The following UBE2E2 variants were observed in gnomAD, a reference collection of about 807,000 sequenced individuals.
UBE2E2 encodes the protein ubiquitin conjugating enzyme E2 E2, also known as ubiquitin-conjugating enzyme E2 E2.
Under a neutral mutation model 24.7 loss-of-function variants are expected in UBE2E2, and 6 were observed. The observed-to-expected ratio is 0.24, with a 90% CI of 0.13 to 0.48. UBE2E2 has a LOEUF of 0.48. Ranked by LOEUF, UBE2E2 falls within the 20% of genes least tolerant of loss-of-function variation. The pLI is 0.99. For synonymous variants in UBE2E2, 104 were observed against 83.6 expected, an observed-to-expected ratio of 1.24 and a Z score of -1.33; for missense variants, 169 against 245.0, an observed-to-expected ratio of 0.69 and a Z score of 2.07.
chr3:23,350,782 G>C (rs1388327541), intron 3 of UBE2E2, among the ~76,000 whole-genome samples: 3 of 152,198 alleles, frequency 2.0e-5, no homozygotes, highest in Non-Finnish European at 2.9e-5. Flanking sequence ...AAAGTGACGG[G>C]GAGAAAGGAA....
At chr3:23,549,857 A>G (rs551998306) in intron 5 of UBE2E2, among the ~76,000 whole-genome samples, 1 of 152,152 alleles carries the variant, frequency 6.6e-6, no homozygotes, top group East Asian at 1.9e-4. Flanking sequence ...ACATGGTGAA[A>G]CCCTGTGTCT....
intron 3 of UBE2E2, among the ~76,000 whole-genome samples, chr3:23,380,412 G>T (rs1331998483): frequency 6.6e-6 from 1 of 152,104 alleles, no homozygotes; most frequent in Non-Finnish European, 1.5e-5. Context: ...TTTTTGTAGA[G>T]ACTAGGTTTT....
At chr3:23,509,399 G>A (rs1259956058) in intron 4 of UBE2E2, among the ~76,000 whole-genome samples, 2 of 152,122 alleles carry the variant, frequency 1.3e-5, no homozygotes, top group Non-Finnish European at 2.9e-5. Context: ...ATGAAAAAAA[G>A]TATAATATTC....
intron 3 of UBE2E2, among the ~76,000 whole-genome samples, chr3:23,227,618 T>A (rs540274696): frequency 6.6e-6 from 1 of 152,334 alleles, no homozygotes; most frequent in Middle Eastern, 3.4e-3. Context: ...AGTTCTTGAC[T>A]CAGTTGCTAC....
chr3:23,384,717 A>G (rs1025677682), intron 3 of UBE2E2, among the ~76,000 whole-genome samples: 1 of 150,754 alleles, frequency 6.6e-6, no homozygotes, highest in African/African-American at 2.4e-5. Flanking sequence ...TAATTTTTGT[A>G]TTTTTATTAG....
At chr3:23,331,800 T>A (rs1379327112) in intron 3 of UBE2E2, among the ~76,000 whole-genome samples, 3 of 152,148 alleles carry the variant, frequency 2.0e-5, no homozygotes, top group South Asian at 2.1e-4. Flanking sequence ...TTATGTGAGA[T>A]GAGAAATCAC....
chr3:23,294,223 T>C (rs1206004699), intron 3 of UBE2E2, among the ~76,000 whole-genome samples: 1 of 152,202 alleles, frequency 6.6e-6, no homozygotes, highest in Non-Finnish European at 1.5e-5. Flanking sequence ...AACTTTAACG[T>C]TATTCATAAC....
At chr3:23,578,951 A>G (rs2125517379) in intron 5 of UBE2E2, among the ~76,000 whole-genome samples, 1 of 152,298 alleles carries the variant, frequency 6.6e-6, no homozygotes, top group East Asian at 1.9e-4. Flanking sequence ...ATTTTTAAAT[A>G]CTACTACTGG....
intron 5 of UBE2E2, among the ~76,000 whole-genome samples, chr3:23,562,127 G>A (rs1219075573): frequency 6.6e-6 from 1 of 152,058 alleles, no homozygotes; most frequent in African/African-American, 2.4e-5. Flanking sequence ...TGGTGGGAGA[G>A]GGCATCCCTG....
chr3:23,556,454 TAAAA>T (rs5847239), intron 5 of UBE2E2, among the ~76,000 whole-genome samples: 2 of 94,336 alleles, frequency 2.1e-5, no homozygotes, highest in Non-Finnish European at 4.2e-5. Context: ...AAAATTTATT[TAAAA>T]AAAAAAAAAA....
At chr3:23,289,444 T>C (rs58844120) in intron 3 of UBE2E2, among the ~76,000 whole-genome samples, 4,468 of 152,286 alleles carry the variant, frequency 0.029, 124 homozygotes, top group East Asian at 0.14. Context: ...TACCTTATAA[T>C]GTAAAGAGAA....
intron 3 of UBE2E2, among the ~76,000 whole-genome samples, chr3:23,301,658 A>C (rs1699095441): frequency 6.6e-6 from 1 of 152,126 alleles, no homozygotes; most frequent in Non-Finnish European, 1.5e-5. Flanking sequence ...GTCTCAGAGG[A>C]GTACCCGGCC....
chr3:23,446,699 GTTTTTTTTTT>G (rs57327621), intron 3 of UBE2E2, among the ~76,000 whole-genome samples: 1 of 112,230 alleles, frequency 8.9e-6, no homozygotes, highest in African/African-American at 3.7e-5. Context: ...CGTCTGTTTG[GTTTTTTTTTT>G]TTTTTTTTTT....
chr3:23,579,545 TAA>T, intron 5 of UBE2E2, among the ~76,000 whole-genome samples: 1 of 148,520 alleles, frequency 6.7e-6, no homozygotes, highest in South Asian at 2.1e-4. Flanking sequence ...CAACAAAAAT[TAA>T]AAGTTAGCCA....
intron 3 of UBE2E2, among the ~76,000 whole-genome samples, chr3:23,272,980 A>T (rs1423972262): frequency 2.0e-5 from 3 of 152,124 alleles, no homozygotes; most frequent in Non-Finnish European, 4.4e-5. Context: ...TCTTCAGGCC[A>T]TCAACTGATT....
At position 23,589,448 on chromosome 3, in the gene UBE2E2, G is replaced by A. The variant is rs1037378718; in HGVS notation, c.509-286G>A. 5.9e-5 allele frequency among the ~76,000 whole-genome samples: 9 copies of A among 151,480 alleles called. No homozygotes were observed. The highest frequency in any genetic ancestry group is 1.9e-4 in the East Asian group (1 of 5,174). On this transcript the variant is annotated intron_variant, in intron 5 of 5. Transcript: ENST00000396703. The surrounding 1 kb of genome is among the most constrained non-coding windows in gnomAD (Gnocchi z 4.1). ...AAAAGAAAAAAAAAAAAACCAATAC[G>A]AGGGGAGCAAGGTGAGAAGTATGTG...
chr3:23,258,824 C>T (rs373735702), intron 3 of UBE2E2, among the ~76,000 whole-genome samples: 7 of 131,040 alleles, frequency 5.3e-5, no homozygotes, highest in Admixed American at 2.6e-4. Context: ...ACCCGGGAGG[C>T]GGAGCTTGCA....
intron 4 of UBE2E2, among the ~76,000 whole-genome samples, chr3:23,530,315 G>T (rs1206029283): frequency 6.6e-6 from 1 of 152,102 alleles, no homozygotes; most frequent in African/African-American, 2.4e-5. Context: ...TAGTCTGGTT[G>T]ACCTATCAGT....
At position 23,590,475 on chromosome 3, in the gene UBE2E2, A is replaced by G. The variant is rs1462570249; in HGVS notation, c.*644A>G. 6.6e-6 allele frequency: 1 copy of G among 152,570 alleles called. No homozygotes were observed. The highest frequency in any genetic ancestry group is 1.5e-5 in the Non-Finnish European group (1 of 68,024). The allele number at this position is 152,570 out of a possible 1,614,324, so 9.5% of individuals were successfully genotyped here. ...AATAATATGTATTTTGATTTACTTA[A>G]AGTGCTTGTAAATTTCTTAGGGACC... On this transcript the variant is annotated 3_prime_UTR_variant, in exon 6 of 6. Coordinates refer to ENST00000396703, the MANE Select transcript of UBE2E2 (RefSeq NM_152653.4).
Sources: gnomAD v4.1 joint callset for allele counts (sites outside exome capture counted in the v4.1 genomes callset) on GRCh38, gnomAD v4.1.1 for gene constraint, Gnocchi (gnomAD v3.1) non-coding constraint, MANE v1.5 for transcripts, NCBI Gene and HGNC (gene_info 2026-07-23, HGNC 2026-07-21) for gene names.